The following CHRM3 variants were observed in gnomAD, a reference collection of about 807,000 sequenced individuals.
CHRM3 encodes the protein cholinergic receptor muscarinic 3.
In CHRM3, 11 loss-of-function variants were observed where a neutral mutation model predicts 41.8. The observed-to-expected ratio is 0.26, with a 90% CI of 0.17 to 0.44. The LOEUF (loss-of-function observed/expected upper bound fraction) is 0.44. Ranked by LOEUF, CHRM3 falls within the 20% of genes least tolerant of loss-of-function variation. The probability of loss-of-function intolerance (pLI) is 1.00; values close to 1 mark genes in which losing one functional copy is unlikely to be tolerated. For missense variants in CHRM3, 571 were observed against 745.4 expected, an observed-to-expected ratio of 0.77 and a Z score of 2.72; for synonymous variants, 297 against 301.4, an observed-to-expected ratio of 0.99 and a Z score of 0.15.
chr1:239,824,852 A>G (rs1033283870), intron 5 of CHRM3, among the ~76,000 whole-genome samples: 2 of 152,230 alleles, frequency 1.3e-5, no homozygotes, highest in African/African-American at 4.8e-5. Flanking sequence ...CTGCCTCCTT[A>G]AAGTATTTCA....
intron 2 of CHRM3, among the ~76,000 whole-genome samples, chr1:239,544,590 GACAAA>G (rs945416981): frequency 6.6e-6 from 1 of 152,096 alleles, no homozygotes; most frequent in African/African-American, 2.4e-5. Flanking sequence ...TTAAAGGATT[GACAAA>G]ACAAAAGTGT....
At chr1:239,696,761 GTT>G (rs773707926) in intron 5 of CHRM3, among the ~76,000 whole-genome samples, 4 of 152,228 alleles carry the variant, frequency 2.6e-5, no homozygotes, top group African/African-American at 4.8e-5. Flanking sequence ...ATGACATTTA[GTT>G]TTTCTATTAA....
chr1:239,650,355 T>C (rs1672122358), intron 4 of CHRM3, among the ~76,000 whole-genome samples: 1 of 152,212 alleles, frequency 6.6e-6, no homozygotes, highest in African/African-American at 2.4e-5. Context: ...CCTTAGTTTC[T>C]CTCTGCAAAA....
At chr1:239,714,848 C>CAGTT (rs1662180354) in intron 5 of CHRM3, among the ~76,000 whole-genome samples, 1 of 152,066 alleles carries the variant, frequency 6.6e-6, no homozygotes, top group African/African-American at 2.4e-5. Flanking sequence ...CCTAAGTGGA[C>CAGTT]AGTTGTACAG....
At chr1:239,702,385 A>G (rs539810552) in intron 5 of CHRM3, among the ~76,000 whole-genome samples, 1 of 152,168 alleles carries the variant, frequency 6.6e-6, no homozygotes, top group Admixed American at 6.5e-5. Context: ...TTTTGCAAAC[A>G]CTGTACACAA....
In CHRM3 at chr1:239,909,427, A is replaced by C. The variant is rs1456713894; in HGVS notation, c.*203A>C. On this transcript the variant is annotated 3_prime_UTR_variant, in exon 7 of 7. Transcript: ENST00000676153. ...AATACCAATTCAGCAAAAAGAAAAAAAAAACATACTACTGAATATAAAGAA... is the reference window on the plus strand; with the variant it reads ...AATACCAATTCAGCAAAAAGAAAAACAAAACATACTACTGAATATAAAGAA... 2.0e-6 allele frequency: 1 copy of C among 499,058 alleles called. No homozygotes were observed. Among genetic ancestry groups the C allele is most frequent in the Non-Finnish European group, 3.6e-6 (1 of 279,166 alleles). The allele number at this position is 499,058 out of a possible 1,614,324, so 30.9% of individuals were successfully genotyped here. A position where few individuals can be genotyped will look rare whatever the true frequency, so the allele number is the denominator to read the frequency against.
At chr1:239,409,428 C>A (rs1209758406) in intron 1 of CHRM3, among the ~76,000 whole-genome samples, 2 of 152,126 alleles carry the variant, frequency 1.3e-5, no homozygotes, top group East Asian at 3.8e-4. Flanking sequence ...CCACCTAATC[C>A]TTGTTGCACC....
intron 6 of CHRM3, among the ~76,000 whole-genome samples, chr1:239,851,799 G>T (rs762177345): frequency 6.6e-6 from 1 of 152,050 alleles, no homozygotes; most frequent in Non-Finnish European, 1.5e-5. Flanking sequence ...CATTAAAAAG[G>T]TATAGTTTTC....
intron 1 of CHRM3, among the ~76,000 whole-genome samples, chr1:239,447,881 C>T (rs1664267748): frequency 6.6e-6 from 1 of 152,208 alleles, no homozygotes; most frequent in Non-Finnish European, 1.5e-5. Context: ...GCATCCACAT[C>T]CCTTTTAATA....
chr1:239,568,251 G>A (rs189040297), intron 3 of CHRM3, among the ~76,000 whole-genome samples: 1 of 152,272 alleles, frequency 6.6e-6, no homozygotes, highest in African/African-American at 2.4e-5. Context: ...TTGAATTGTA[G>A]CTGTTATAAT....
chr1:239,707,096 G>C (rs1025643321), intron 5 of CHRM3: 2 of 152,204 alleles, frequency 1.3e-5, no homozygotes, highest in East Asian at 3.8e-4. Flanking sequence ...GTGGACAAAT[G>C]AACGAACCTT....
chr1:239,802,527 A>G (rs1670301443), intron 5 of CHRM3, among the ~76,000 whole-genome samples: 1 of 152,146 alleles, frequency 6.6e-6, no homozygotes, highest in Non-Finnish European at 1.5e-5. Context: ...ACAGTATATC[A>G]CATTTGGGAG....
chr1:239,417,610 AT>A (rs1661605720), intron 1 of CHRM3, among the ~76,000 whole-genome samples: 1 of 100,806 alleles, frequency 9.9e-6, no homozygotes, highest in Non-Finnish European at 2.2e-5. Flanking sequence ...TTTTCTCTTA[AT>A]TTTGCACCTA....
chr1:239,777,356 T>A (rs1182066674), intron 5 of CHRM3, among the ~76,000 whole-genome samples: 1 of 152,188 alleles, frequency 6.6e-6, no homozygotes, highest in African/African-American at 2.4e-5. Flanking sequence ...GGAACTGTGA[T>A]TGAAAACATA....
intron 5 of CHRM3, among the ~76,000 whole-genome samples, chr1:239,774,429 A>G (rs983519968): frequency 6.6e-6 from 1 of 152,194 alleles, no homozygotes; most frequent in African/African-American, 2.4e-5. Flanking sequence ...AAAGCCAATT[A>G]GTCTTTCAAT....
At chr1:239,464,602 T>G (rs1422609999) in intron 1 of CHRM3, among the ~76,000 whole-genome samples, 3 of 152,182 alleles carry the variant, frequency 2.0e-5, no homozygotes, top group Admixed American at 2.0e-4. Context: ...GCACAAATTA[T>G]TTGACATTCT....
At chr1:239,451,896 G>A (rs967024571) in intron 1 of CHRM3, among the ~76,000 whole-genome samples, 8 of 152,002 alleles carry the variant, frequency 5.3e-5, no homozygotes, top group Admixed American at 1.3e-4. Flanking sequence ...ATATTTTTAA[G>A]TAGTTACTAT....
chr1:239,768,293 C>CT (rs1046217921), intron 5 of CHRM3, among the ~76,000 whole-genome samples: 1 of 152,096 alleles, frequency 6.6e-6, no homozygotes, highest in Non-Finnish European at 1.5e-5. Flanking sequence ...CTCCATCAAT[C>CT]TAACTATTTA....
In CHRM3 at chr1:239,440,395, G is replaced by A. The variant is rs550975310; in HGVS notation, c.-520-52314G>A. On this transcript the variant is annotated intron_variant, in intron 1 of 6. Coordinates refer to ENST00000676153, the MANE Select transcript of CHRM3 (RefSeq NM_001375978.1). ...CCCAGCCCTTTGGGTGGCTGAGGCCGATGGAGCACCTGAGCCCAGGAGTTC... is the reference window on the plus strand; with the variant it reads ...CCCAGCCCTTTGGGTGGCTGAGGCCAATGGAGCACCTGAGCCCAGGAGTTC... 2.8e-3 allele frequency among the ~76,000 whole-genome samples: 424 copies of A among 152,252 alleles called. 3 individuals are homozygous for A. The highest frequency in any genetic ancestry group is 9.9e-3 in the African/African-American group (410 of 41,534).
Sources: allele counts gnomAD v4.1 joint callset (sites outside exome capture counted in the v4.1 genomes callset), GRCh38; gene constraint gnomAD v4.1.1; transcripts MANE v1.5; gene names NCBI Gene and HGNC (gene_info 2026-07-23, HGNC 2026-07-21).